PHEX: variants seen among roughly 807,000 people sequenced by gnomAD.
The protein encoded by PHEX is phosphate regulating endopeptidase X-linked.
PHEX carries 16 observed loss-of-function variants against 68.0 expected under a neutral mutation model. The observed-to-expected ratio is 0.24, with a 90% confidence interval of 0.16 to 0.36. The LOEUF (loss-of-function observed/expected upper bound fraction) is 0.36, where lower values mean the gene tolerates loss of function less well. Ranked by LOEUF, PHEX falls within the 10% of genes least tolerant of loss-of-function variation. The probability of loss-of-function intolerance (pLI) is 1.00; values close to 1 mark genes in which losing one functional copy is unlikely to be tolerated. For synonymous variants in PHEX, 208 were observed against 205.1 expected, an observed-to-expected ratio of 1.01 and a Z score of -0.12; for missense variants, 480 against 575.5, an observed-to-expected ratio of 0.83 and a Z score of 1.70.
intron 3 of PHEX, among the ~76,000 whole-genome samples, chrX:22,066,246 G>C (rs1928595323): frequency 8.9e-6 from 1 of 111,972 alleles, no homozygotes; most frequent in Non-Finnish European, 1.9e-5. Context: ...CTTGGAGGAG[G>C]TAGCTGACAA....
At chrX:22,191,499 A>G (rs1257752534) in intron 15 of PHEX, among the ~76,000 whole-genome samples, 2 of 112,551 alleles carry the variant, frequency 1.8e-5, no homozygotes, top group Non-Finnish European at 3.7e-5. Flanking sequence ...ACCTATGACC[A>G]TGATGTGTGC....
intron 11 of PHEX, among the ~76,000 whole-genome samples, chrX:22,129,849 A>G (rs1326483119): frequency 9.0e-6 from 1 of 111,152 alleles, no homozygotes; most frequent in Non-Finnish European, 1.9e-5. Context: ...CCTTAACCCT[A>G]CCTCTACTTC....
intron 11 of PHEX, among the ~76,000 whole-genome samples, chrX:22,127,980 G>A (rs1181551574): frequency 9.0e-6 from 1 of 111,705 alleles, no homozygotes; most frequent in African/African-American, 3.3e-5. Context: ...CTGGCAGTGG[G>A]CTGAAATGTT....
At chrX:22,036,731 C>A (rs1927035919) in intron 1 of PHEX, among the ~76,000 whole-genome samples, 4 of 97,499 alleles carry the variant, frequency 4.1e-5, no homozygotes, top group Admixed American at 1.1e-4. Flanking sequence ...TTTTACATAA[C>A]TTTTTTTTTT....
intron 20 of PHEX, among the ~76,000 whole-genome samples, chrX:22,242,367 C>G (rs1487973511): frequency 8.9e-6 from 1 of 111,804 alleles, no homozygotes; most frequent in Non-Finnish European, 1.9e-5. Context: ...AAAACCAGCA[C>G]AAGACAAGGA....
intron 11 of PHEX, among the ~76,000 whole-genome samples, chrX:22,124,155 A>G (rs1180529920): frequency 1.8e-5 from 2 of 111,560 alleles, no homozygotes; most frequent in South Asian, 7.5e-4. Flanking sequence ...ATAGGTCCAG[A>G]TTTCATAACC....
At chrX:22,133,469 C>A in intron 11 of PHEX, 54 bp from the exon 12 acceptor site, 1 of 1,002,318 alleles carries the variant, frequency 1.0e-6, no homozygotes, top group Non-Finnish European at 1.4e-6. Flanking sequence ...TTCCAGAAAA[C>A]CTCGACTGAA....
intron 13 of PHEX, among the ~76,000 whole-genome samples, chrX:22,169,152 T>C (rs369355246): frequency 1.5e-4 from 17 of 112,224 alleles, no homozygotes; most frequent in East Asian, 1.4e-3. Context: ...GAAATTGTGG[T>C]TCAACAAGTG....
At chrX:22,089,168 C>T (rs1469488390) in intron 5 of PHEX, among the ~76,000 whole-genome samples, 2 of 111,036 alleles carry the variant, frequency 1.8e-5, no homozygotes, top group South Asian at 3.8e-4. Context: ...ATTACAGGTG[C>T]GTGCCGCCAC....
At chrX:22,239,765 T>C (rs1404043009) in intron 20 of PHEX, among the ~76,000 whole-genome samples, 1 of 111,584 alleles carries the variant, frequency 9.0e-6, no homozygotes, top group East Asian at 2.8e-4. Context: ...CTACATTTGA[T>C]GGGTGTACCT....
chrX:22,078,252 C>T (rs932282552), intron 5 of PHEX, among the ~76,000 whole-genome samples: 1 of 112,175 alleles, frequency 8.9e-6, no homozygotes, highest in African/African-American at 3.2e-5. Flanking sequence ...AACCATGTCT[C>T]CCATAAAGCA....
Position 22,249,899 on chromosome X carries a change from T to C in PHEX, c.*1946T>C, listed in dbSNP as rs1936522807. 9.0e-6 allele frequency: 1 copy of C among 111,423 alleles called. No individual in the cohort carries two copies. 9.2% of individuals were successfully genotyped at this position (111,423 alleles called of 1,213,427 possible). ...CCTTTATAAACTCCAAATAAACACA[T>C]TCCTGCAGGTCAGAGAAAGTGTTTG... On this transcript the variant is annotated 3_prime_UTR_variant, in exon 22 of 22. Transcript: ENST00000379374.
At chrX:22,144,674 A>G (rs1211914534) in intron 12 of PHEX, among the ~76,000 whole-genome samples, 1 of 110,430 alleles carries the variant, frequency 9.1e-6, no homozygotes, top group African/African-American at 3.3e-5. Flanking sequence ...CAATATTAAC[A>G]TTAATTCCTT....
chrX:22,112,903 C>T, intron 10 of PHEX, among the ~76,000 whole-genome samples: 1 of 109,330 alleles, frequency 9.1e-6, no homozygotes, highest in Middle Eastern at 4.7e-3. Flanking sequence ...AAGACTCCGT[C>T]TCAAAAAAAA....
intron 2 of PHEX, among the ~76,000 whole-genome samples, chrX:22,045,091 G>T (rs1264069749): frequency 1.8e-5 from 2 of 109,600 alleles, no homozygotes; most frequent in Non-Finnish European, 3.8e-5. Context: ...AGGCCCTATA[G>T]AAATTAGAAT....
chrX:22,083,454 A>G (rs1406421457), intron 5 of PHEX, among the ~76,000 whole-genome samples: 1 of 112,009 alleles, frequency 8.9e-6, no homozygotes, highest in Non-Finnish European at 1.9e-5. Context: ...AATTGCTTTC[A>G]GTGGTATTGT....
chrX:22,055,195 A>C (rs12852678), intron 3 of PHEX, among the ~76,000 whole-genome samples: 28 of 37,325 alleles, frequency 7.5e-4, no homozygotes, highest in South Asian at 1.1e-3. Context: ...AAAAAAAAAA[A>C]AAAAAAAAAA....
intron 11 of PHEX, among the ~76,000 whole-genome samples, chrX:22,116,643 C>T (rs1270734303): frequency 9.0e-6 from 1 of 111,307 alleles, no homozygotes; most frequent in Admixed American, 9.5e-5. Context: ...ATGTATTATG[C>T]ACTGAAGTTT....
intron 13 of PHEX, chrX:22,172,595 A>AGG (rs1933572893): frequency 9.0e-6 from 1 of 111,010 alleles, no homozygotes; most frequent in Non-Finnish European, 1.9e-5. Flanking sequence ...GAGGGAGTAG[A>AGG]GGGGGAGAGA....
Sources: gnomAD v4.1 joint callset for allele counts (sites outside exome capture counted in the v4.1 genomes callset) on GRCh38, gnomAD v4.1.1 for gene constraint, MANE v1.5 for transcripts, NCBI Gene and HGNC (gene_info 2026-07-23, HGNC 2026-07-21) for gene names.